The following XDH variants were observed in gnomAD, a reference collection of about 807,000 sequenced individuals.
The protein encoded by XDH is xanthine dehydrogenase.
A neutral mutation model predicts 156.1 loss-of-function variants in XDH; 138 were observed. The observed-to-expected ratio is 0.88, with a 90% CI of 0.77 to 1.02. The LOEUF (loss-of-function observed/expected upper bound fraction) is 1.02. Ranked by LOEUF, XDH falls within the 50% of genes least tolerant of loss-of-function variation. XDH has a pLI of 0.00. For synonymous variants in XDH, 669 were observed against 625.7 expected, an observed-to-expected ratio of 1.07 and a Z score of -1.03; for missense variants, 1,849 against 1,684.9, an observed-to-expected ratio of 1.10 and a Z score of -1.71.
In XDH at chr2:31,403,089, T is replaced by C. The variant is rs570721954; in HGVS notation, c.156A>G (p.Thr52=). 2.2e-5 allele frequency: 35 copies of C among 1,614,184 alleles called. No homozygotes were observed. The South Asian group carries it at 3.7e-4, about 17-fold the overall frequency. ...GCGEGGCGAC[T]VMLSKYDRLQ... ...GACGATCATACTTGGAGAGCATCAC[T>C]GTGCAAGCCCCGCAGCCCCCCTCTC... The change falls in exon 3 of 36, where the codon ACA becomes ACG. Residue 52 remains threonine (T), a synonymous_variant. Transcript: ENST00000379416.
intron 31 of XDH, among the ~76,000 whole-genome samples, chr2:31,343,983 T>C (rs1485659003): frequency 6.6e-6 from 1 of 152,092 alleles, no homozygotes; most frequent in African/African-American, 2.4e-5. Context: ...AAAGAAAATA[T>C]TCCAAATATC....
In XDH at chr2:31,402,968, CAT is replaced by C; in HGVS notation, c.197+78_197+79del. 3 of 1,490,382 alleles carry C rather than the reference CAT, an allele frequency of 2.0e-6. No individual in the cohort carries two copies. The South Asian group carries it at 3.4e-5, about 17-fold the overall frequency. The allele number at this position is 1,490,382 out of a possible 1,614,324, so 92.3% of individuals were successfully genotyped here. A position where few individuals can be genotyped will look rare whatever the true frequency, so the allele number is the denominator to read the frequency against. On this transcript the variant is annotated intron_variant, in intron 3 of 35. Transcript: ENST00000379416. ...ACACATGCGCACATGCACATACACA[CAT>C]ACACTCATGCACTCCCTCACAAGCT...
intron 24 of XDH, among the ~76,000 whole-genome samples, chr2:31,355,445 G>C (rs1053123676): frequency 2.0e-5 from 3 of 151,822 alleles, no homozygotes; most frequent in African/African-American, 7.3e-5. Context: ...GTCTTGATGT[G>C]GTTCTAAATG....
At chr2:31,409,416 T>C (rs1302781326) in intron 1 of XDH, among the ~76,000 whole-genome samples, 1 of 152,160 alleles carries the variant, frequency 6.6e-6, no homozygotes, top group Non-Finnish European at 1.5e-5. Context: ...AATATGTAGA[T>C]CTACTATGTA....
intron 6 of XDH, among the ~76,000 whole-genome samples, chr2:31,397,358 A>G (rs1002723057): frequency 1.3e-5 from 2 of 152,222 alleles, no homozygotes; most frequent in Non-Finnish European, 2.9e-5. Flanking sequence ...CCAGTCTCCA[A>G]GGGAAAGCTG....
intron 12 of XDH, among the ~76,000 whole-genome samples, chr2:31,381,134 T>A (rs1686427482): frequency 1.3e-5 from 2 of 152,228 alleles, no homozygotes. Context: ...GAACTGGGAC[T>A]AAAGGCACAC....
chr2:31,354,017 T>C (rs896511877), intron 24 of XDH, among the ~76,000 whole-genome samples: 1 of 152,178 alleles, frequency 6.6e-6, no homozygotes, highest in Non-Finnish European at 1.5e-5. Flanking sequence ...CCTTCCTTTC[T>C]GGTTGTGTCA....
intron 5 of XDH, 119 bp downstream of exon 5, chr2:31,398,454 G>C (rs769363105): frequency 1.9e-5 from 30 of 1,560,632 alleles, no homozygotes; most frequent in Non-Finnish European, 2.5e-5. Context: ...CCTTGTTGGG[G>C]GGCCTGAGCC....
At chr2:31,410,209 G>A (rs1687302862) in intron 1 of XDH, among the ~76,000 whole-genome samples, 1 of 152,124 alleles carries the variant, frequency 6.6e-6, no homozygotes, top group Admixed American at 6.5e-5. Context: ...TGGTTTCCAG[G>A]GACTGGGAGA....
At chr2:31,375,582 GCTCCCGCCCAGCCCTCCAGACCC>G (rs1558694740) in intron 14 of XDH, 28 bp from the exon 15 acceptor site, 5 of 1,609,338 alleles carry the variant, frequency 3.1e-6, no homozygotes, top group Middle Eastern at 2.1e-4. Flanking sequence ...GTGGGACAGC[GCTCCCGCCCAGCCCTCCAGACCC>G]CTTTGTGTAG....
intron 13 of XDH, among the ~76,000 whole-genome samples, chr2:31,378,044 G>GAGAAGGAAAGGAAGAA (rs1686296158): frequency 1.8e-5 from 2 of 113,236 alleles, no homozygotes; most frequent in African/African-American, 7.1e-5. Flanking sequence ...AGAGAAGAAA[G>GAGAAGGAAAGGAAGAA]AGAAAGAAAG....
intron 31 of XDH, 39 bp downstream of exon 31, chr2:31,344,645 A>T (rs1572512397): frequency 6.2e-7 from 1 of 1,613,162 alleles, no homozygotes; most frequent in East Asian, 2.2e-5. Context: ...TTAGGACGAC[A>T]TCACACTATG....
chr2:31,355,722 G>C (rs964485749), intron 24 of XDH, among the ~76,000 whole-genome samples: 9 of 152,058 alleles, frequency 5.9e-5, no homozygotes, highest in Non-Finnish European at 8.8e-5. Flanking sequence ...GAAATGAAAA[G>C]CTGATAGAAC....
At chr2:31,345,921 A>G (rs1188074382) in intron 30 of XDH, among the ~76,000 whole-genome samples, 2 of 152,066 alleles carry the variant, frequency 1.3e-5, no homozygotes, top group African/African-American at 4.8e-5. Context: ...CTAAAACCCA[A>G]CTACCAAAAT....
intron 18 of XDH, 90 bp downstream of exon 18, chr2:31,370,265 C>G (rs1686036777): frequency 6.8e-7 from 1 of 1,472,972 alleles, no homozygotes; most frequent in Admixed American, 1.7e-5. Context: ...AATGTATAAC[C>G]TTTCCAGATC....
At position 31,383,085 on chromosome 2, in the gene XDH, C is replaced by T; in HGVS notation, c.954G>A (p.Lys318=). The part of the protein sequence containing the change: ...VEKTLVDAVA[K]LPAQKTEVFR... ...ACACCTCTGTCTTTTGGGCAGGAAG[C>T]TTAGCAACAGCATCCACCAGGGTTT... Residue 318 remains lysine (K), a synonymous_variant, in exon 11 of 36, where the codon AAG becomes AAA. Transcript: ENST00000379416. 6.2e-7 allele frequency: 1 copy of T among 1,614,174 alleles called. No individual in the cohort carries two copies. The highest frequency in any genetic ancestry group is 8.5e-7 in the Non-Finnish European group (1 of 1,180,038).
chr2:31,387,845 G>T lies in XDH; in HGVS notation c.617C>A (p.Pro206Gln). 1 of 1,588,826 alleles carries T rather than the reference G, an allele frequency of 6.3e-7. No homozygotes were observed. The change falls in exon 8 of 36, where the codon CCA (proline) becomes CAA (glutamine). Residue 206 changes from proline (P) to glutamine (Q), a missense_variant. Pro to Gln is a moderately conservative substitution (Grantham distance 76). Transcript: ENST00000379416. ...FKPEEFTPLD[P>Q]TQEPIFPPEL... ...TGGGGGAAAAATGGGCTCCTGGGTT[G>T]GATCCAGGGGCGTGAACTCCTCTGG...
intron 2 of XDH, among the ~76,000 whole-genome samples, chr2:31,404,868 T>C (rs1419694354): frequency 2.6e-5 from 4 of 151,952 alleles, no homozygotes; most frequent in Non-Finnish European, 5.9e-5. Context: ...CAAACCAGAG[T>C]GAAAGCATGG....
Position 31,375,364 on chromosome 2 carries a change from G to C in XDH, c.1602+16C>G. 1 of 1,614,094 alleles carries C rather than the reference G, an allele frequency of 6.2e-7. No homozygotes were observed. The highest frequency in any genetic ancestry group is 8.5e-7 in the Non-Finnish European group (1 of 1,179,998). ...ACATGCTACAGAGAGCCTGTGCCTGGCCAGGCCCCACTCACGTCTTCCAGG... is the reference window on the plus strand; with the variant it reads ...ACATGCTACAGAGAGCCTGTGCCTGCCCAGGCCCCACTCACGTCTTCCAGG... On this transcript the variant is annotated intron_variant, in intron 15 of 35. Transcript: ENST00000379416.
Sources: allele counts gnomAD v4.1 joint callset (sites outside exome capture counted in the v4.1 genomes callset), GRCh38; gene constraint gnomAD v4.1.1; transcripts MANE v1.5; gene names NCBI Gene and HGNC (gene_info 2026-07-23, HGNC 2026-07-21).